NXPH2: variants seen among roughly 807,000 people sequenced by gnomAD.
NXPH2 encodes neurexophilin 2.
NXPH2 carries 5 observed loss-of-function variants against 19.8 expected under a neutral mutation model. That is an observed-to-expected ratio of 0.25 (90% CI 0.13 to 0.53). NXPH2 has a LOEUF of 0.53. Ranked by LOEUF, NXPH2 falls within the 20% of genes least tolerant of loss-of-function variation. The pLI is 0.96. For synonymous variants in NXPH2, 154 were observed against 127.4 expected (o/e 1.21, Z -1.41); for missense variants, 289 against 322.8 (o/e 0.90, Z 0.80).
chr2:138,678,484 G>A (rs16841043), intron 1 of NXPH2, among the ~76,000 whole-genome samples: 9,362 of 78,036 alleles, frequency 0.12, 572 homozygotes, highest in African/African-American at 0.28. Flanking sequence ...ACTTGGTTTA[G>A]GATTTTTTTT....
intron 1 of NXPH2, among the ~76,000 whole-genome samples, chr2:138,673,992 A>G (rs528087794): frequency 1.3e-5 from 2 of 151,704 alleles, no homozygotes; most frequent in South Asian, 2.1e-4. Flanking sequence ...AATACTATTT[A>G]TTTATTTTTA....
chr2:138,723,904 A>G (rs1183096535), intron 1 of NXPH2, among the ~76,000 whole-genome samples: 2 of 139,320 alleles, frequency 1.4e-5, no homozygotes, highest in Non-Finnish European at 3.1e-5. Flanking sequence ...TTATTTCACC[A>G]TTGCTCCTAA....
chr2:138,679,918 G>A lies in NXPH2; in HGVS notation c.52-8253C>T, dbSNP rs558782078. Among the ~76,000 whole-genome samples the A allele has an allele frequency of 3.3e-5, 5 of 152,126 alleles. 1 individual carries two copies. The South Asian group carries it at 6.2e-4, about 19-fold the overall frequency. On this transcript the variant is annotated intron_variant, in intron 1 of 1. Transcript: ENST00000272641. Reference sequence around the variant, plus strand: ...TCTAACATTGTACTGGCTAATCATTGGACTGAGAAGAAAAAGTGGAGTGTC... The same window carrying A: ...TCTAACATTGTACTGGCTAATCATTAGACTGAGAAGAAAAAGTGGAGTGTC...
intron 1 of NXPH2, among the ~76,000 whole-genome samples, chr2:138,739,738 C>T (rs986584536): frequency 1.3e-5 from 2 of 152,058 alleles, no homozygotes; most frequent in East Asian, 1.9e-4. Flanking sequence ...CAAGCTTAAC[C>T]CAGCAATAGT....
At chr2:138,755,496 T>G (rs1029644531) in intron 1 of NXPH2, among the ~76,000 whole-genome samples, 3 of 152,162 alleles carry the variant, frequency 2.0e-5, no homozygotes, top group African/African-American at 7.2e-5. Flanking sequence ...GCAGGGCTGT[T>G]TCTTAGTTCT....
At chr2:138,698,331 C>A (rs1214730323) in intron 1 of NXPH2, among the ~76,000 whole-genome samples, 1 of 152,034 alleles carries the variant, frequency 6.6e-6, no homozygotes, top group Non-Finnish European at 1.5e-5. Context: ...TTCAAGTATA[C>A]TGTATATCAA....
chr2:138,743,742 C>G (rs1438764080), intron 1 of NXPH2, among the ~76,000 whole-genome samples: 1 of 152,018 alleles, frequency 6.6e-6, no homozygotes, highest in Admixed American at 6.6e-5. Context: ...GTGGCTCATG[C>G]CTGTAATCCC....
Position 138,671,576 on chromosome 2 carries a change from C to G in NXPH2, c.141G>C (p.Val47=). The change falls in exon 2 of 2, where the codon GTG becomes GTC. Residue 47 remains valine (V), a synonymous_variant. Coordinates refer to ENST00000272641, the MANE Select transcript of NXPH2 (RefSeq NM_007226.3). ...KDAPGTLVGN[V]VHSRIISPLR... is the part of the protein sequence containing the mutation. ...GGGGACTGATGATCCTTGAGTGCAC[C>G]ACGTTGCCGACCAACGTCCCTGGAG... 1 of 1,613,586 alleles carries G rather than the reference C, an allele frequency of 6.2e-7. No homozygotes were observed. Among genetic ancestry groups the G allele is most frequent in the Non-Finnish European group, 8.5e-7 (1 of 1,179,718 alleles).
At chr2:138,766,392 G>A (rs1414864296) in intron 1 of NXPH2, among the ~76,000 whole-genome samples, 1 of 152,106 alleles carries the variant, frequency 6.6e-6, no homozygotes, top group East Asian at 1.9e-4. Context: ...GTCTCAACTG[G>A]GCTGTTTTTG....
At chr2:138,742,319 C>T (rs2105006787) in intron 1 of NXPH2, among the ~76,000 whole-genome samples, 1 of 152,110 alleles carries the variant, frequency 6.6e-6, no homozygotes, top group Admixed American at 6.5e-5. Context: ...GGTTCAAATA[C>T]TGAGGAATCC....
At chr2:138,716,339 G>A (rs1443710560) in intron 1 of NXPH2, among the ~76,000 whole-genome samples, 1 of 152,160 alleles carries the variant, frequency 6.6e-6, no homozygotes, top group Non-Finnish European at 1.5e-5. Context: ...GCATGAAGGT[G>A]GAGTCCCAAG....
chr2:138,730,524 C>T (rs1478762121), intron 1 of NXPH2, among the ~76,000 whole-genome samples: 1 of 152,086 alleles, frequency 6.6e-6, no homozygotes, highest in Non-Finnish European at 1.5e-5. Flanking sequence ...TCTTGAGGCC[C>T]TGAGCTGCTT....
intron 1 of NXPH2, among the ~76,000 whole-genome samples, chr2:138,700,897 A>G (rs1680911538): frequency 1.3e-5 from 2 of 152,102 alleles, no homozygotes; most frequent in Admixed American, 6.5e-5. Flanking sequence ...AGAATTTCAC[A>G]TCTGTTCTCA....
chr2:138,671,485 C>T lies in NXPH2; in HGVS notation c.232G>A (p.Glu78Lys). The change falls in exon 2 of 2, where the codon GAA (glutamate) becomes AAA (lysine). Residue 78 changes from glutamate (E) to lysine (K), a missense_variant. Transcript: ENST00000272641. ...PGPMAYADSM[E>K]NFWDWLANIT... ...TTGGCCAGCCAATCCCAAAAGTTTT[C>T]CATGCTGTCTGCGTACGCCATGGGG... is the stretch of plus-strand genomic sequence containing the variant. 6.2e-7 allele frequency: 1 copy of T among 1,613,954 alleles called. No homozygotes were observed. The highest frequency in any genetic ancestry group is 8.5e-7 in the Non-Finnish European group (1 of 1,179,846).
intron 1 of NXPH2, among the ~76,000 whole-genome samples, chr2:138,682,125 C>T (rs1480475260): frequency 6.6e-6 from 1 of 152,122 alleles, no homozygotes; most frequent in Non-Finnish European, 1.5e-5. Flanking sequence ...ACAAGTTGCT[C>T]AGCAGAAAGA....
At chr2:138,714,965 G>A (rs1681171546) in intron 1 of NXPH2, among the ~76,000 whole-genome samples, 2 of 152,188 alleles carry the variant, frequency 1.3e-5, no homozygotes, top group African/African-American at 4.8e-5. Flanking sequence ...ACACATTACC[G>A]TAAATTTCCT....
intron 1 of NXPH2, among the ~76,000 whole-genome samples, chr2:138,716,674 T>A (rs1193238507): frequency 6.6e-6 from 1 of 152,206 alleles, no homozygotes; most frequent in Non-Finnish European, 1.5e-5. Context: ...GAGTAGCCCC[T>A]TATGATCGGT....
At chr2:138,756,056 G>T (rs1217310245) in intron 1 of NXPH2, among the ~76,000 whole-genome samples, 1 of 151,616 alleles carries the variant, frequency 6.6e-6, no homozygotes, top group Non-Finnish European at 1.5e-5. Flanking sequence ...CATTCCAGGA[G>T]TTTTTATTGT....
At chr2:138,752,868 G>T (rs1681847583) in intron 1 of NXPH2, among the ~76,000 whole-genome samples, 1 of 152,136 alleles carries the variant, frequency 6.6e-6, no homozygotes, top group Non-Finnish European at 1.5e-5. Context: ...ATCAGACTGG[G>T]ATTACATGTT....
Sources: allele counts gnomAD v4.1 joint callset (sites outside exome capture counted in the v4.1 genomes callset), GRCh38; gene constraint gnomAD v4.1.1; transcripts MANE v1.5; gene names NCBI Gene and HGNC (gene_info 2026-07-23, HGNC 2026-07-21).